Variants in COMMD1 observed in about 807,000 individuals in gnomAD.
COMMD1 encodes the protein copper metabolism domain containing 1.
Under a neutral mutation model 17.2 loss-of-function variants are expected in COMMD1, and 10 were observed. The ratio of observed to expected loss-of-function variants is 0.58; its 90% CI spans 0.36 to 0.99. COMMD1 has a LOEUF of 0.99. COMMD1 is among the 50% of genes least tolerant of loss of function. The probability of loss-of-function intolerance (pLI) is 0.01; values close to 1 mark genes in which losing one functional copy is unlikely to be tolerated. For synonymous variants in COMMD1, 97 were observed against 91.6 expected, an observed-to-expected ratio of 1.06 and a Z score of -0.34; for missense variants, 270 against 231.8, an observed-to-expected ratio of 1.17 and a Z score of -1.07.
At chr2:61,921,499 A>G (rs1055117766) in intron 1 of COMMD1, among the ~76,000 whole-genome samples, 6 of 151,904 alleles carry the variant, frequency 3.9e-5, no homozygotes, top group African/African-American at 1.5e-4. Flanking sequence ...GCTGGAGTGC[A>G]GTGGCACGAT....
At chr2:62,121,371 CAAAAAA>C (rs55789110) in intron 2 of COMMD1, among the ~76,000 whole-genome samples, 33 of 47,202 alleles carry the variant, frequency 7.0e-4, no homozygotes, top group African/African-American at 2.6e-3. Flanking sequence ...GACTCTTTCT[CAAAAAA>C]AAAAAAAAAA....
intron 1 of COMMD1, chr2:61,888,850 C>A: frequency 3.2e-6 from 1 of 309,376 alleles, no homozygotes; most frequent in Non-Finnish European, 6.0e-6. Flanking sequence ...GTGGTGAGGA[C>A]ATCCGCATTT....
intron 2 of COMMD1, among the ~76,000 whole-genome samples, chr2:62,019,651 A>G (rs1322683973): frequency 2.0e-5 from 3 of 152,186 alleles, no homozygotes; most frequent in Non-Finnish European, 4.4e-5. Context: ...AAAGAGCACA[A>G]CAGAGGTGAA....
intron 2 of COMMD1, among the ~76,000 whole-genome samples, chr2:62,104,384 A>G (rs969770466): frequency 2.6e-5 from 4 of 152,126 alleles, no homozygotes; most frequent in African/African-American, 9.7e-5. Flanking sequence ...CTGTAATCCC[A>G]GCACTTTGGG....
rs1238640596 is a variant in COMMD1 at position 62,136,019 on chromosome 2, T to C, written c.*78T>C. 1 of 785,890 alleles carries C rather than the reference T, an allele frequency of 1.3e-6. No homozygotes were observed. The highest frequency in any genetic ancestry group is 1.7e-5 in the African/African-American group (1 of 59,060). The allele number at this position is 785,890 out of a possible 1,614,324, so 48.7% of individuals were successfully genotyped here. A position where few individuals can be genotyped will look rare whatever the true frequency, so the allele number is the denominator to read the frequency against. ...TCCCCACTGACCTTTTCTAAGAAAA[T>C]TCTTGTGCCCGCATTGGTATTAAAT... is the stretch of plus-strand genomic sequence containing the variant. On this transcript the variant is annotated 3_prime_UTR_variant, in exon 3 of 3. Transcript: ENST00000311832.
intron 1 of COMMD1, among the ~76,000 whole-genome samples, chr2:61,896,790 C>T (rs577005720): frequency 1.3e-5 from 2 of 151,648 alleles, no homozygotes; most frequent in African/African-American, 4.8e-5. Context: ...AGATAAAACT[C>T]ACATATGAAA....
chr2:61,894,394 T>A (rs1669507407), intron 1 of COMMD1, among the ~76,000 whole-genome samples: 1 of 151,336 alleles, frequency 6.6e-6, no homozygotes, highest in African/African-American at 2.4e-5. Context: ...GAGTCACCAT[T>A]CCCAGCCTAA....
intron 2 of COMMD1, among the ~76,000 whole-genome samples, chr2:62,011,721 T>A (rs988667166): frequency 6.6e-6 from 1 of 152,204 alleles, no homozygotes; most frequent in Middle Eastern, 3.4e-3. Flanking sequence ...ATAATTAGTG[T>A]AAGAAATTTT....
intron 2 of COMMD1, among the ~76,000 whole-genome samples, chr2:62,081,264 T>C (rs1021260960): frequency 1.3e-5 from 2 of 151,770 alleles, no homozygotes; most frequent in African/African-American, 4.8e-5. Flanking sequence ...TTTTTTTTTT[T>C]TTTTTGAGAC....
intron 1 of COMMD1, among the ~76,000 whole-genome samples, chr2:61,921,981 G>A (rs866143787): frequency 2.0e-5 from 3 of 151,970 alleles, no homozygotes; most frequent in Non-Finnish European, 2.9e-5. Flanking sequence ...TTTTCCTGTC[G>A]ATGTATTCTG....
At chr2:61,915,129 C>T (rs1023379700) in intron 1 of COMMD1, among the ~76,000 whole-genome samples, 3 of 151,792 alleles carry the variant, frequency 2.0e-5, no homozygotes, top group Middle Eastern at 3.2e-3. Flanking sequence ...CTTCATCCAC[C>T]CAAGTAGCTG....
intron 2 of COMMD1, among the ~76,000 whole-genome samples, chr2:62,127,891 A>ACATGCCT (rs368588583): frequency 0.03 from 4,534 of 151,964 alleles, 106 homozygotes; most frequent in East Asian, 0.092. Context: ...GCATGGTGGC[A>ACATGCCT]CATGCCTGTA....
intron 2 of COMMD1, among the ~76,000 whole-genome samples, chr2:62,083,573 G>A (rs1467877631): frequency 1.3e-5 from 2 of 152,188 alleles, no homozygotes; most frequent in African/African-American, 4.8e-5. Context: ...CTAAGTCAGT[G>A]TTCTTATAGA....
chr2:62,025,556 A>G (rs1669731523), intron 2 of COMMD1, among the ~76,000 whole-genome samples: 1 of 152,168 alleles, frequency 6.6e-6, no homozygotes, highest in South Asian at 2.1e-4. Context: ...AAAATCAAAC[A>G]AACTCAACCC....
intron 1 of COMMD1, among the ~76,000 whole-genome samples, chr2:61,997,424 C>T (rs1668797814): frequency 6.6e-6 from 1 of 151,844 alleles, no homozygotes; most frequent in Non-Finnish European, 1.5e-5. Flanking sequence ...GATCCGTGGT[C>T]TGCAGAATGA....
chr2:62,095,016 T>G (rs1028590569), intron 2 of COMMD1, among the ~76,000 whole-genome samples: 2 of 152,244 alleles, frequency 1.3e-5, no homozygotes, highest in African/African-American at 4.8e-5. Context: ...GACCAACTTC[T>G]TTTGCTCACT....
intron 2 of COMMD1, chr2:62,070,421 G>T (rs1671167015): frequency 1.3e-5 from 2 of 151,952 alleles, no homozygotes; most frequent in African/African-American, 4.8e-5. Context: ...AGCCAGGCAT[G>T]GTGATGCTTT....
chr2:61,894,925 T>G (rs1669522251), intron 1 of COMMD1, among the ~76,000 whole-genome samples: 1 of 152,114 alleles, frequency 6.6e-6, no homozygotes, highest in South Asian at 2.1e-4. Context: ...CTCAAACTCC[T>G]GACCTCAGGT....
chr2:61,932,442 T>A (rs945562103), intron 1 of COMMD1, among the ~76,000 whole-genome samples: 1 of 152,240 alleles, frequency 6.6e-6, no homozygotes, highest in East Asian at 1.9e-4. Context: ...CTTTATATTC[T>A]TTTTTTGTTT....
Sources: allele counts gnomAD v4.1 joint callset (sites outside exome capture counted in the v4.1 genomes callset), GRCh38; gene constraint gnomAD v4.1.1; transcripts MANE v1.5; gene names NCBI Gene and HGNC (gene_info 2026-07-23, HGNC 2026-07-21).